The following MYO16 variants were observed in gnomAD, a reference collection of about 807,000 sequenced individuals.
MYO16 encodes the protein myosin XVI.
MYO16 carries 94 observed loss-of-function variants against 205.3 expected under a neutral mutation model. That is an observed-to-expected ratio of 0.46 (90% CI 0.39 to 0.54). The LOEUF (loss-of-function observed/expected upper bound fraction) is 0.54. Ranked by LOEUF, MYO16 falls within the 20% of genes least tolerant of loss-of-function variation. The pLI is 0.00. For synonymous variants in MYO16, 988 were observed against 954.0 expected (o/e 1.04, Z -0.66); for missense variants, 2,315 against 2,387.5 (o/e 0.97, Z 0.63).
chr13:108,881,286 T>C (rs1375983156), intron 12 of MYO16, among the ~76,000 whole-genome samples: 2 of 152,096 alleles, frequency 1.3e-5, no homozygotes, highest in South Asian at 2.1e-4. Flanking sequence ...ACCCCATCTG[T>C]ACATCACTAT....
chr13:108,772,677 A>G (rs762957836), intron 4 of MYO16, among the ~76,000 whole-genome samples: 2 of 152,198 alleles, frequency 1.3e-5, no homozygotes, highest in African/African-American at 4.8e-5. Context: ...CAACATGTTG[A>G]TGTTGAATTT....
intron 6 of MYO16, among the ~76,000 whole-genome samples, chr13:108,794,874 A>G (rs1200908870): frequency 6.6e-6 from 1 of 152,190 alleles, no homozygotes; most frequent in Non-Finnish European, 1.5e-5. Flanking sequence ...CCATGAAAAA[A>G]ACATGGTGTG....
intron 12 of MYO16, among the ~76,000 whole-genome samples, chr13:108,869,731 T>TAAAAAAAAAAAAAAAA (rs68025820): frequency 7.5e-5 from 5 of 67,024 alleles, no homozygotes; most frequent in Non-Finnish European, 1.1e-4. Flanking sequence ...ACTCCGTTTC[T>TAAAAAAAAAAAAAAAA]AAAAAAAAAA....
chr13:108,573,049 C>A, the MYO16 span, among the ~76,000 whole-genome samples: 4 of 152,318 alleles, frequency 2.6e-5, no homozygotes, highest in South Asian at 8.3e-4. Context: ...AGCGAACATG[C>A]AGAATCTCTC....
At chr13:108,568,179 GT>G in the MYO16 span, among the ~76,000 whole-genome samples, 1 of 152,100 alleles carries the variant, frequency 6.6e-6, no homozygotes, top group Non-Finnish European at 1.5e-5. Context: ...TCATGTATAA[GT>G]TTTTTATAAA....
intron 28 of MYO16, among the ~76,000 whole-genome samples, chr13:109,104,246 G>T (rs1390271039): frequency 6.6e-6 from 1 of 152,144 alleles, no homozygotes. Context: ...TCATATTACA[G>T]GACTTGGAAG....
intron 9 of MYO16, among the ~76,000 whole-genome samples, chr13:108,829,080 G>A (rs1432867617): frequency 6.6e-6 from 1 of 152,150 alleles, no homozygotes; most frequent in Non-Finnish European, 1.5e-5. Context: ...AGTGGCCTGG[G>A]GACCCCCAAA....
At chr13:108,753,370 CAAAAAAAAAAAAA>C (rs534466420) in intron 4 of MYO16, among the ~76,000 whole-genome samples, 1 of 111,794 alleles carries the variant, frequency 8.9e-6, no homozygotes, top group African/African-American at 3.8e-5. Flanking sequence ...AACTCTGTGA[CAAAAAAAAAAAAA>C]AAAAAAAAAA....
At chr13:109,196,289 C>G (rs1365343994) in intron 34 of MYO16, among the ~76,000 whole-genome samples, 1 of 152,220 alleles carries the variant, frequency 6.6e-6, no homozygotes, top group Non-Finnish European at 1.5e-5. Context: ...TTTAAATCCC[C>G]GTACTGAGTT....
At chr13:109,196,108 G>C (rs1204507168) in intron 34 of MYO16, among the ~76,000 whole-genome samples, 1 of 152,088 alleles carries the variant, frequency 6.6e-6, no homozygotes, top group African/African-American at 2.4e-5. Context: ...CATCACCTCC[G>C]TTTTTACATC....
Position 108,597,370 on chromosome 13 carries a change from T to G in MYO16, c.-39+1131T>G, listed in dbSNP as rs574315480. On this transcript the variant is annotated intron_variant, in intron 1 of 24. Coordinates refer to the MYO16 transcript ENST00000251041. ...AACATTTAACTATTTATGTTAGCTT[T>G]GGGAGGATTTATCTCCAGATTCCTA... is the stretch of plus-strand genomic sequence containing the variant. Among the ~76,000 whole-genome samples the G allele has an allele frequency of 2.0e-5, 3 of 152,336 alleles. No individual in the cohort carries two copies. In the South Asian group the frequency reaches 6.2e-4, roughly 32 times the overall value.
chr13:108,587,872 G>A, the MYO16 span, among the ~76,000 whole-genome samples: 59 of 150,106 alleles, frequency 3.9e-4, no homozygotes, highest in African/African-American at 1.4e-3. Flanking sequence ...TATCATCTGG[G>A]TCATAAGTTA....
At chr13:108,924,194 A>C (rs375565692) in intron 16 of MYO16, among the ~76,000 whole-genome samples, 1 of 152,190 alleles carries the variant, frequency 6.6e-6, no homozygotes, top group East Asian at 1.9e-4. Context: ...GACACAACAG[A>C]ATATGTGCAA....
intron 27 of MYO16, among the ~76,000 whole-genome samples, chr13:109,061,992 G>A (rs781338175): frequency 1.8e-4 from 28 of 152,182 alleles, no homozygotes; most frequent in Non-Finnish European, 3.4e-4. Flanking sequence ...GTTGTCCAGC[G>A]TAACCTTTGT....
intron 34 of MYO16, among the ~76,000 whole-genome samples, chr13:109,181,761 A>G (rs964658947): frequency 6.6e-6 from 1 of 152,060 alleles, no homozygotes; most frequent in African/African-American, 2.4e-5. Flanking sequence ...ATCATAACCC[A>G]TTAAAAGAAA....
intron 2 of MYO16, among the ~76,000 whole-genome samples, chr13:108,668,888 C>A (rs187279215): frequency 7.0e-4 from 106 of 152,154 alleles, no homozygotes; most frequent in Admixed American, 1.8e-3. Context: ...AGCCAAAATG[C>A]TCCCTACTAC....
chr13:108,646,474 C>G (rs181995254), intron 1 of MYO16, among the ~76,000 whole-genome samples: 52 of 152,342 alleles, frequency 3.4e-4, no homozygotes, highest in Admixed American at 5.9e-4. Flanking sequence ...CCTCGTGTCT[C>G]TCTTCAACTC....
the MYO16 span, among the ~76,000 whole-genome samples, chr13:108,558,489 A>G: frequency 6.6e-6 from 1 of 152,210 alleles, no homozygotes. Context: ...AAAGATTTGC[A>G]ACTGTGGCGA....
In MYO16 at chr13:109,140,621, G is replaced by A. The variant is rs1220220092; in HGVS notation, c.4409G>A (p.Gly1470Asp). ...CCCGACGACGGCGGCCCGGGCGCGG[G>A]CTCCTTCCTGCTCCACGGCGCATCG... is the stretch of plus-strand genomic sequence containing the variant. ...CLPDDGGPGA[G>D]SFLLHGASPP... is the part of the protein sequence containing the mutation. Residue 1470 changes from glycine (G) to aspartate (D), a missense_variant, in exon 32 of 35, where the codon GGC becomes GAC. Physicochemically the swap from Gly to Asp is moderately conservative, Grantham distance 94. Coordinates refer to ENST00000457511, the MANE Select transcript of MYO16 (RefSeq NM_001198950.3). The surrounding 1 kb of genome is among the most constrained non-coding windows in gnomAD (Gnocchi z 8.0). 6.6e-7 allele frequency: 1 copy of A among 1,515,770 alleles called. No homozygotes were observed. The highest frequency in any genetic ancestry group is 1.2e-5 in the South Asian group (1 of 81,740). 93.9% of individuals were successfully genotyped at this position (1,515,770 alleles called of 1,614,324 possible).
Sources: gnomAD v4.1 joint callset for allele counts (sites outside exome capture counted in the v4.1 genomes callset) on GRCh38, gnomAD v4.1.1 for gene constraint, Gnocchi (gnomAD v3.1) non-coding constraint, MANE v1.5 for transcripts, NCBI Gene and HGNC (gene_info 2026-07-23, HGNC 2026-07-21) for gene names.